KIF5C: variants seen among roughly 807,000 people sequenced by gnomAD.
KIF5C encodes the protein kinesin family member 5C, also known as kinesin heavy chain isoform 5C.
Under a neutral mutation model 125.2 loss-of-function variants are expected in KIF5C, and 18 were observed. That is an observed-to-expected ratio of 0.14 (90% CI 0.10 to 0.21). KIF5C has a LOEUF of 0.21. KIF5C is among the 10% of genes least tolerant of loss of function. The pLI, the probability that KIF5C is intolerant of heterozygous loss-of-function variation, is 1.00. For missense variants in KIF5C, 780 were observed against 1,183.8 expected, an observed-to-expected ratio of 0.66 and a Z score of 5.01; for synonymous variants, 405 against 434.0, an observed-to-expected ratio of 0.93 and a Z score of 0.83.
intron 3 of KIF5C, chr2:148,934,935 T>G (rs1558904631): frequency 1.2e-5 from 3 of 252,546 alleles, no homozygotes; most frequent in African/African-American, 2.3e-5. Context: ...CCCTACATCC[T>G]CCCCTGCGTA....
intron 15 of KIF5C, among the ~76,000 whole-genome samples, chr2:148,989,792 T>G (rs1681477904): frequency 6.6e-6 from 1 of 152,222 alleles, no homozygotes; most frequent in South Asian, 2.1e-4. Context: ...TGTTGAATTC[T>G]TATGGTAAGG....
chr2:148,918,545 T>C (rs1383009208), intron 1 of KIF5C, among the ~76,000 whole-genome samples: 1 of 152,128 alleles, frequency 6.6e-6, no homozygotes, highest in Non-Finnish European at 1.5e-5. Context: ...AAATTTGAAT[T>C]GAGTTCTAAA....
At chr2:149,001,700 G>A (rs900897403) in intron 21 of KIF5C, among the ~76,000 whole-genome samples, 12 of 152,218 alleles carry the variant, frequency 7.9e-5, no homozygotes, top group South Asian at 2.1e-4. Flanking sequence ...CACAGCCTGC[G>A]CTTTAAGACA....
intron 1 of KIF5C, among the ~76,000 whole-genome samples, chr2:148,911,583 T>C (rs1681340428): frequency 6.6e-6 from 1 of 152,002 alleles, no homozygotes; most frequent in African/African-American, 2.4e-5. Context: ...CTAAATAGTT[T>C]GATAGAGAAA....
chr2:148,977,593 A>G (rs1186166351), intron 12 of KIF5C, among the ~76,000 whole-genome samples: 1 of 152,180 alleles, frequency 6.6e-6, no homozygotes, highest in Non-Finnish European at 1.5e-5. Flanking sequence ...TTCTGGTATA[A>G]TTTCCCTAAT....
At chr2:148,946,758 C>T in intron 7 of KIF5C, 141 bp from the exon 8 acceptor site, 1 of 1,201,098 alleles carries the variant, frequency 8.3e-7, no homozygotes, top group Non-Finnish European at 1.1e-6. Flanking sequence ...AAACAGGGGT[C>T]TCAGATAATT....
chr2:148,903,998 C>T (rs887509092), intron 1 of KIF5C, among the ~76,000 whole-genome samples: 7 of 152,132 alleles, frequency 4.6e-5, no homozygotes, highest in Admixed American at 1.3e-4. Flanking sequence ...TACTGCTACT[C>T]GCCATAAAAT....
Position 148,998,393 on chromosome 2 carries a change from GA to G in KIF5C, c.2101-6del. ...AGATGACATGTTTCTCTTGGCCTGGGATGCAGAAGGCGCTGGAGCAGCAGAT... is the reference window on the plus strand; with the variant it reads ...AGATGACATGTTTCTCTTGGCCTGGGTGCAGAAGGCGCTGGAGCAGCAGAT... On this transcript the variant is annotated splice_polypyrimidine_tract_variant and splice_region_variant and intron_variant, in intron 18 of 25. Coordinates refer to ENST00000435030, the MANE Select transcript of KIF5C (RefSeq NM_004522.3). The G allele has an allele frequency of 6.4e-7, 1 of 1,557,792 alleles. No homozygotes were observed. The highest frequency in any genetic ancestry group is 8.7e-7 in the Non-Finnish European group (1 of 1,150,404).
In KIF5C at chr2:149,025,303, C is replaced by T. The variant is rs890727300; in HGVS notation, c.*2233C>T. 6.6e-6 allele frequency: 1 copy of T among 152,668 alleles called. No individual in the cohort carries two copies. Among genetic ancestry groups the T allele is most frequent in the Admixed American group, 6.5e-5 (1 of 15,288 alleles). 9.5% of individuals were successfully genotyped at this position (152,668 alleles called of 1,614,324 possible). A position where few individuals can be genotyped will look rare whatever the true frequency, so the allele number is the denominator to read the frequency against. On this transcript the variant is annotated 3_prime_UTR_variant, in exon 26 of 26. Transcript: ENST00000435030. ...CTAGTTGCTGATCAGCCAGTCAGTT[C>T]ACCTAGCTTCAATCTTTATAGGACT...
chr2:149,020,784 ACT>A (rs1209191424), intron 25 of KIF5C, among the ~76,000 whole-genome samples: 1 of 152,032 alleles, frequency 6.6e-6, no homozygotes, highest in Non-Finnish European at 1.5e-5. Flanking sequence ...TCAGGCAGGC[ACT>A]CCTATTGGTT....
At chr2:148,944,944 A>G (rs1682489515) in intron 7 of KIF5C, among the ~76,000 whole-genome samples, 1 of 152,120 alleles carries the variant, frequency 6.6e-6, no homozygotes, top group African/African-American at 2.4e-5. Context: ...CCATTTGTAT[A>G]TCTTCTTTGA....
intron 1 of KIF5C, among the ~76,000 whole-genome samples, chr2:148,891,281 G>C (rs1558874374): frequency 6.6e-6 from 1 of 152,186 alleles, no homozygotes; most frequent in African/African-American, 2.4e-5. Flanking sequence ...ATTCAGGAAA[G>C]TGAATATGGA....
chr2:148,907,965 C>G (rs1681182331), intron 1 of KIF5C, among the ~76,000 whole-genome samples: 1 of 152,208 alleles, frequency 6.6e-6, no homozygotes, highest in Non-Finnish European at 1.5e-5. Flanking sequence ...CTGGGAGCCC[C>G]TGCTGTAGTC....
At chr2:148,943,072 A>C (rs1378076729) in intron 7 of KIF5C, among the ~76,000 whole-genome samples, 4 of 152,180 alleles carry the variant, frequency 2.6e-5, no homozygotes, top group Admixed American at 2.6e-4. Flanking sequence ...GGAGGGAAAG[A>C]GTAAGCTCAT....
rs774092257 is a variant in KIF5C, at chr2:148,991,126, C to T, written c.1833C>T (p.Ala611=). 6.2e-7 allele frequency: 1 copy of T among 1,613,942 alleles called. No homozygotes were observed. Among genetic ancestry groups the T allele is most frequent in the Non-Finnish European group, 8.5e-7 (1 of 1,179,868 alleles). The change falls in exon 16 of 26, where the codon GCC becomes GCT. Residue 611 remains alanine, a synonymous_variant. Coordinates refer to ENST00000435030, the MANE Select transcript of KIF5C (RefSeq NM_004522.3). ...LVNRSKQLES[A]QMDSNRKMNA... is the part of the protein sequence containing the mutation. ...ACCGCAGCAAACAGCTCGAGAGCGC[C>T]CAGATGGACTCCAACAGGAAGATGA...
chr2:148,916,500 C>T (rs912902488), intron 1 of KIF5C, among the ~76,000 whole-genome samples: 1 of 152,088 alleles, frequency 6.6e-6, no homozygotes, highest in Non-Finnish European at 1.5e-5. Context: ...ACTTAGGTGT[C>T]GTGAGGATAA....
In KIF5C at chr2:148,978,933, T is replaced by C. The variant is rs747202550; in HGVS notation, c.1305T>C (p.Ile435=). 3.1e-6 allele frequency: 5 copies of C among 1,598,594 alleles called. No homozygotes were observed. In the Admixed American group the frequency reaches 5.2e-5, roughly 17 times the overall value. The change falls in exon 13 of 26, where the codon ATT becomes ATC. Residue 435 remains isoleucine, a synonymous_variant. Transcript: ENST00000435030. The part of the protein sequence containing the change: ...YRQLDDKDDE[I]NQQSQLAEKL... ...ATGTTTCGTTTCAGGATGATGAAAT[T>C]AACCAGCAGAGCCAGCTGGCTGAAA... is the stretch of plus-strand genomic sequence containing the variant.
intron 1 of KIF5C, among the ~76,000 whole-genome samples, chr2:148,881,552 T>G (rs1681355208): frequency 6.6e-6 from 1 of 152,136 alleles, no homozygotes; most frequent in African/African-American, 2.4e-5. Context: ...AATGCCAATT[T>G]CTGCATTTCT....
At chr2:148,935,009 G>A (rs1380998130) in intron 3 of KIF5C, 3 of 348,916 alleles carry the variant, frequency 8.6e-6, no homozygotes, top group Non-Finnish European at 1.7e-5. Context: ...ACCACTCTTG[G>A]GCATCTGAGC....
Sources: gnomAD v4.1 joint callset for allele counts (sites outside exome capture counted in the v4.1 genomes callset) on GRCh38, gnomAD v4.1.1 for gene constraint, MANE v1.5 for transcripts, NCBI Gene and HGNC (gene_info 2026-07-23, HGNC 2026-07-21) for gene names.